The following NDUFS6 variants were observed in gnomAD, a reference collection of about 807,000 sequenced individuals.
The protein encoded by NDUFS6 is NADH dehydrogenase [ubiquinone] iron-sulfur protein 6, mitochondrial.
In NDUFS6, 14 loss-of-function variants were observed where a neutral mutation model predicts 13.2. The observed-to-expected ratio is 1.06, with a 90% CI of 0.70 to 1.66. NDUFS6 has a LOEUF of 1.66. Ranked by LOEUF, NDUFS6 falls within the 40% of genes most tolerant of loss-of-function variation. The pLI is 0.00. For synonymous variants in NDUFS6, 95 were observed against 72.3 expected (o/e 1.31, Z -1.60); for missense variants, 206 against 170.8 (o/e 1.21, Z -1.15).
chr5:1,807,201 A>AGGTACTCAGAGGTACCGCGTGAGGT (rs1437218968), intron 2 of NDUFS6, among the ~76,000 whole-genome samples: 2 of 151,128 alleles, frequency 1.3e-5, no homozygotes, highest in African/African-American at 4.9e-5. Flanking sequence ...GTACTGTGTG[A>AGGTACTCAGAGGTACCGCGTGAGGT]ACACTGTGTG....
rs1354824283 is a variant in NDUFS6, at chr5:1,810,255, A to G, written c.187-4084A>G. Reference sequence around the variant, plus strand: ...GAACCCCAGGAGCAACATCCGAGGCAGAGGGTTGTGTCATGCTTGGCGGGG... The same window carrying G: ...GAACCCCAGGAGCAACATCCGAGGCGGAGGGTTGTGTCATGCTTGGCGGGG... On this transcript the variant is annotated intron_variant, in intron 2 of 3. Transcript: ENST00000274137. 2.6e-5 allele frequency among the ~76,000 whole-genome samples: 4 copies of G among 152,232 alleles called. No individual in the cohort carries two copies. In the East Asian group the frequency reaches 7.7e-4, roughly 29 times the overall value.
intron 3 of NDUFS6, 87 bp from the exon 4 acceptor site, chr5:1,815,764 A>G: frequency 7.4e-7 from 1 of 1,352,490 alleles, no homozygotes. Flanking sequence ...TGACAGTCTA[A>G]GTTTTATACA....
At chr5:1,806,009 T>G (rs149010642) in intron 2 of NDUFS6, among the ~76,000 whole-genome samples, 3 of 152,320 alleles carry the variant, frequency 2.0e-5, no homozygotes, top group African/African-American at 4.8e-5. Context: ...CAGGGAAGCC[T>G]CTAGTGTGTG....
intron 2 of NDUFS6, among the ~76,000 whole-genome samples, chr5:1,812,858 G>A (rs988381978): frequency 3.9e-5 from 6 of 151,906 alleles, no homozygotes; most frequent in African/African-American, 1.5e-4. Context: ...TTCGAGACCA[G>A]CCTGACCAAC....
chr5:1,810,809 C>T (rs1734207186), intron 2 of NDUFS6, among the ~76,000 whole-genome samples: 1 of 152,158 alleles, frequency 6.6e-6, no homozygotes, highest in Non-Finnish European at 1.5e-5. Context: ...TCTGCCTCTC[C>T]CCCGGCCCCC....
chr5:1,815,949 C>T lies in NDUFS6; in HGVS notation c.*33C>T, dbSNP rs1734303428. 4 of 1,612,704 alleles carry T rather than the reference C, an allele frequency of 2.5e-6. No individual in the cohort carries two copies. The highest frequency in any genetic ancestry group is 3.4e-6 in the Non-Finnish European group (4 of 1,178,630). On this transcript the variant is annotated 3_prime_UTR_variant, in exon 4 of 4. Transcript: ENST00000274137. ...GGCACGCCGGGGGTCCCGCAGCATC[C>T]TGTGAGCATTTCCGCGGGGAAGCTG... is the stretch of plus-strand genomic sequence containing the variant.
In NDUFS6 at chr5:1,814,310, G is replaced by T. The variant is rs1452596877; in HGVS notation, c.187-29G>T. 3.7e-6 allele frequency: 6 copies of T among 1,614,000 alleles called. No homozygotes were observed. Among genetic ancestry groups the T allele is most frequent in the Non-Finnish European group, 5.1e-6 (6 of 1,180,000 alleles). ...ATGTAGTTAGCAAGTTTGTGTATTT[G>T]TTTACGTAAGTCTTTCTTCTTGTTC... is the stretch of plus-strand genomic sequence containing the variant. On this transcript the variant is annotated intron_variant, in intron 2 of 3. Transcript: ENST00000274137. This position sits in a 1 kb window ranked among gnomAD's most constrained non-coding sequence, Gnocchi z 4.9.
chr5:1,804,135 T>C (rs941348647), intron 2 of NDUFS6, among the ~76,000 whole-genome samples: 2 of 152,170 alleles, frequency 1.3e-5, no homozygotes, highest in Non-Finnish European at 2.9e-5. Context: ...GTGGGTGTTA[T>C]GGCACGGTCG....
At chr5:1,811,546 T>C (rs1734219797) in intron 2 of NDUFS6, among the ~76,000 whole-genome samples, 1 of 152,260 alleles carries the variant, frequency 6.6e-6, no homozygotes, top group Non-Finnish European at 1.5e-5. Flanking sequence ...GTGTCTCTTA[T>C]GTCTCTTTTA....
At chr5:1,806,145 AGAAG>A (rs1456673489) in intron 2 of NDUFS6, among the ~76,000 whole-genome samples, 1 of 152,226 alleles carries the variant, frequency 6.6e-6, no homozygotes, top group Non-Finnish European at 1.5e-5. Flanking sequence ...GTTTTTGAAA[AGAAG>A]GAATTAGGCA....
At position 1,808,904 on chromosome 5, in the gene NDUFS6, G is replaced by A. The variant is rs1734168822; in HGVS notation, c.187-5435G>A. On this transcript the variant is annotated intron_variant, in intron 2 of 3. Coordinates refer to ENST00000274137, the MANE Select transcript of NDUFS6 (RefSeq NM_004553.6). Reference sequence around the variant, plus strand: ...CTGATGTTCTAAATAATTGAACTGAGCTTTTACTTTATTTTAAACTTTTAT... The same window carrying A: ...CTGATGTTCTAAATAATTGAACTGAACTTTTACTTTATTTTAAACTTTTAT... 3.9e-5 allele frequency among the ~76,000 whole-genome samples: 6 copies of A among 152,324 alleles called. No individual in the cohort carries two copies. In the South Asian group the frequency reaches 1.2e-3, roughly 32 times the overall value.
intron 2 of NDUFS6, among the ~76,000 whole-genome samples, chr5:1,806,944 T>G (rs1734132175): frequency 6.6e-6 from 1 of 152,172 alleles, no homozygotes; most frequent in African/African-American, 2.4e-5. Flanking sequence ...GATCTGTCCA[T>G]GGACAGTGGA....
chr5:1,801,520 A>C lies in NDUFS6; in HGVS notation c.103A>C (p.Thr35Pro). 3.1e-6 allele frequency: 5 copies of C among 1,595,980 alleles called. No individual in the cohort carries two copies. The highest frequency in any genetic ancestry group is 4.2e-6 in the Non-Finnish European group (5 of 1,177,260). Reference protein sequence around the residue: ...ARCFGVRVSPTGEKVTHTGQV... With the variant: ...ARCFGVRVSPPGEKVTHTGQV... ...GTGTTTCGGGGTGCGGGTCTCGCCG[A>C]CCGGGGAGAAGGTCACGCACACTGG... The change falls in exon 1 of 4, where the codon ACC becomes CCC. Residue 35 changes from threonine (T) to proline (P), a missense_variant. Physicochemically the swap from Thr to Pro is conservative, Grantham distance 38. Transcript: ENST00000274137.
chr5:1,809,065 C>A (rs1403394869), intron 2 of NDUFS6, among the ~76,000 whole-genome samples: 1 of 152,196 alleles, frequency 6.6e-6, no homozygotes, highest in Non-Finnish European at 1.5e-5. Flanking sequence ...GATGTAATCT[C>A]AGTTTGACAC....
intron 2 of NDUFS6, among the ~76,000 whole-genome samples, chr5:1,802,785 G>A (rs1734068976): frequency 6.6e-6 from 1 of 152,112 alleles, no homozygotes; most frequent in Non-Finnish European, 1.5e-5. Context: ...GCTGAAAATG[G>A]CACATGAGTT....
chr5:1,815,759 G>A (rs1734298327), intron 3 of NDUFS6, 92 bp from the exon 4 acceptor site: 2 of 1,307,926 alleles, frequency 1.5e-6, no homozygotes, highest in East Asian at 2.3e-5. Flanking sequence ...GTTTCTGACA[G>A]TCTAAGTTTT....
At chr5:1,804,241 T>C (rs374837293) in intron 2 of NDUFS6, among the ~76,000 whole-genome samples, 9 of 152,246 alleles carry the variant, frequency 5.9e-5, no homozygotes, top group African/African-American at 2.2e-4. Flanking sequence ...CCAGCCCAGC[T>C]CCCTATCTCA....
intron 2 of NDUFS6, among the ~76,000 whole-genome samples, chr5:1,812,921 C>T (rs879565357): frequency 2.8e-4 from 42 of 152,076 alleles, no homozygotes; most frequent in Admixed American, 2.2e-3. Flanking sequence ...GACGTGGTGG[C>T]GGGTGCCTGT....
In NDUFS6 at chr5:1,814,266, G is replaced by A. The variant is rs1273696580; in HGVS notation, c.187-73G>A. ...TCGTGCTGATGGTACATGAATTTGT[G>A]TGTGGTGGGTTAAATTGTATGTAGT... On this transcript the variant is annotated intron_variant, in intron 2 of 3. Coordinates refer to ENST00000274137, the MANE Select transcript of NDUFS6 (RefSeq NM_004553.6). The surrounding 1 kb of genome is among the most constrained non-coding windows in gnomAD (Gnocchi z 4.9). 22 of 1,569,348 alleles carry A rather than the reference G, an allele frequency of 1.4e-5. No homozygotes were observed. The Admixed American group carries it at 4.0e-4, about 28-fold the overall frequency.
Sources: allele counts gnomAD v4.1 joint callset (sites outside exome capture counted in the v4.1 genomes callset), GRCh38; gene constraint gnomAD v4.1.1; non-coding constraint Gnocchi (gnomAD v3.1); transcripts MANE v1.5; gene names NCBI Gene and HGNC (gene_info 2026-07-23, HGNC 2026-07-21).